TUB: variants seen among roughly 807,000 people sequenced by gnomAD.
TUB encodes TUB bipartite transcription factor.
TUB carries 33 observed loss-of-function variants against 59.7 expected under a neutral mutation model. That is an observed-to-expected ratio of 0.55 (90% CI 0.42 to 0.74). TUB has a LOEUF of 0.74. TUB is among the 30% of genes least tolerant of loss of function. The probability of loss-of-function intolerance (pLI) is 0.00; values close to 1 mark genes in which losing one functional copy is unlikely to be tolerated. For synonymous variants in TUB, 293 were observed against 256.4 expected (o/e 1.14, Z -1.36); for missense variants, 659 against 672.0 (o/e 0.98, Z 0.21).
intron 1 of TUB, among the ~76,000 whole-genome samples, chr11:8,087,483 T>C (rs1031373732): frequency 2.0e-5 from 3 of 152,226 alleles, no homozygotes; most frequent in Non-Finnish European, 4.4e-5. Flanking sequence ...GCCAGGCCAC[T>C]GGCTTATGAC....
chr11:8,094,970 C>T (rs1198106498), intron 4 of TUB, among the ~76,000 whole-genome samples: 1 of 152,232 alleles, frequency 6.6e-6, no homozygotes, highest in East Asian at 1.9e-4. Context: ...GGCAGGAAAG[C>T]TGACGTAGGA....
At chr11:8,042,967 C>T (rs146790646) in intron 2 of TUB, among the ~76,000 whole-genome samples, 365 of 152,160 alleles carry the variant, frequency 2.4e-3, no homozygotes, top group African/African-American at 7.9e-3. Context: ...ATCTAGTTTC[C>T]TTTTGTTGCT....
rs202230011 is a variant in TUB, at chr11:8,089,601, G to A, written c.39-9G>A. ...GGCAAGCCCTGAAAACCCCTCTTTC[G>A]CTCTGCAGTGTCTTAGATGATGAGG... On this transcript the variant is annotated splice_polypyrimidine_tract_variant and intron_variant, in intron 1 of 11. Coordinates refer to ENST00000299506, the MANE Select transcript of TUB (RefSeq NM_177972.3). 5.8e-4 allele frequency: 939 copies of A among 1,613,874 alleles called. 8 individuals are homozygous for A. The highest frequency in any genetic ancestry group is 1.4e-4 in the Non-Finnish European group (167 of 1,179,918).
chr11:8,023,764 TAAAAG>T (rs1787921789), intron 1 of TUB, among the ~76,000 whole-genome samples: 2 of 152,190 alleles, frequency 1.3e-5, no homozygotes, highest in Admixed American at 6.5e-5. Flanking sequence ...GTGATGAAGA[TAAAAG>T]GAAAAGATCT....
At chr11:8,038,685 G>A in exon 1 of TUB, 1 of 1,422,144 alleles carries the variant, frequency 7.0e-7, no homozygotes, top group Non-Finnish European at 9.2e-7. Flanking sequence ...GCGACCAGAA[G>A]ATGTTTCCAT....
intron 4 of TUB, 72 bp from the exon 5 acceptor site, chr11:8,095,426 C>G (rs1013620661): frequency 8.0e-6 from 12 of 1,504,894 alleles, no homozygotes; most frequent in Middle Eastern, 2.5e-4. Flanking sequence ...TCATCCCCTT[C>G]ATGGACGTCT....
Position 8,101,828 on chromosome 11 carries a change from GTGAAGGGATGAGAA to G in TUB, c.*211_*224del. On this transcript the variant is annotated 3_prime_UTR_variant, in exon 12 of 12. Coordinates refer to ENST00000299506, the MANE Select transcript of TUB (RefSeq NM_177972.3). ...AGTAGTGGAGAGCGGGTGGGTGGGTGTGAAGGGATGAGAATAATTCTTTCCATGCCACGAGATCA... is the reference window on the plus strand; with the variant it reads ...AGTAGTGGAGAGCGGGTGGGTGGGTGTAATTCTTTCCATGCCACGAGATCA... 1.4e-6 allele frequency: 1 copy of G among 733,516 alleles called. No individual in the cohort carries two copies. The highest frequency in any genetic ancestry group is 2.1e-6 in the Non-Finnish European group (1 of 466,606). 45.4% of individuals were successfully genotyped at this position (733,516 alleles called of 1,614,324 possible). A position where few individuals can be genotyped will look rare whatever the true frequency, so the allele number is the denominator to read the frequency against.
chr11:8,033,106 G>A (rs556865912), intron 1 of TUB, among the ~76,000 whole-genome samples: 2 of 152,298 alleles, frequency 1.3e-5, no homozygotes, highest in Admixed American at 6.5e-5. Context: ...GAACCTGGGA[G>A]ACAGGGAGCT....
At chr11:8,097,629 C>G (rs547466258) in intron 7 of TUB, 85 bp from the exon 8 acceptor site, 4 of 1,346,668 alleles carry the variant, frequency 3.0e-6, no homozygotes, top group Non-Finnish European at 4.2e-6. Flanking sequence ...GCTGACGCAA[C>G]GGAGAGAGTC....
rs112353461 is a variant in TUB, at chr11:8,039,717, G to A, written c.203+25G>A. On this transcript the variant is annotated intron_variant, in intron 2 of 12. Coordinates refer to the TUB transcript ENST00000305253. ...GGTGAGCTGGAGGGGAGGAGGGCGT[G>A]CCGGCCCTGGGAAAGGGCCAACCAC... The A allele has an allele frequency of 3.1e-5, 47 of 1,499,720 alleles. No homozygotes were observed. The African/African-American group carries it at 4.9e-4, about 16-fold the overall frequency. The allele number at this position is 1,499,720 out of a possible 1,614,324, so 92.9% of individuals were successfully genotyped here.
At chr11:8,091,123 T>G (rs566200235) in intron 3 of TUB, among the ~76,000 whole-genome samples, 46 of 152,338 alleles carry the variant, frequency 3.0e-4, no homozygotes, top group African/African-American at 1.1e-3. Context: ...TACATCGAAC[T>G]ACTGGTAGTT....
Position 8,081,384 on chromosome 11 carries a change from C to T in TUB, c.-127C>T. 1 of 998,102 alleles carries T rather than the reference C, an allele frequency of 1.0e-6. No homozygotes were observed. Among genetic ancestry groups the T allele is most frequent in the Non-Finnish European group, 1.2e-6 (1 of 839,274 alleles). The allele number at this position is 998,102 out of a possible 1,614,324, so 61.8% of individuals were successfully genotyped here. A position where few individuals can be genotyped will look rare whatever the true frequency, so the allele number is the denominator to read the frequency against. ...CCCTGGCGTGCAGCGCGGGCCTCGG[C>T]GGGGCCCAGCGCCCCGGCCCGGGAG... On this transcript the variant is annotated 5_prime_UTR_variant, in exon 1 of 12. Coordinates refer to ENST00000299506, the MANE Select transcript of TUB (RefSeq NM_177972.3).
At chr11:8,080,142 G>C (rs1943518887), upstream of TUB, among the ~76,000 whole-genome samples, 1 of 152,142 alleles carries the variant, frequency 6.6e-6, no homozygotes, top group South Asian at 2.1e-4. Flanking sequence ...CTCTCTGCGG[G>C]GCAGTCCTGA....
rs917496109 is a variant in TUB, at chr11:8,100,674, C to G, written c.1215+73C>G. The stretch of plus-strand genomic sequence containing the variant: ...TGCATGAGCTTCTAAGGGCAGAACT[C>G]CAGCTGATGTGTGTATGTGGAGGGG... On this transcript the variant is annotated intron_variant, in intron 10 of 11. Coordinates refer to ENST00000299506, the MANE Select transcript of TUB (RefSeq NM_177972.3). The G allele has an allele frequency of 2.6e-6, 4 of 1,544,498 alleles. No individual in the cohort carries two copies. The Admixed American group carries it at 6.9e-5, about 26-fold the overall frequency.
rs1276969028 is a variant in TUB, at chr11:8,081,258, C to G, written c.-253C>G. ...GGCGCGGGACGGTGCGGTCGGCCTC[C>G]CCGCCTCCACGCGCGCGCACGACCC... is the stretch of plus-strand genomic sequence containing the variant. On this transcript the variant is annotated 5_prime_UTR_variant, in exon 1 of 12. Transcript: ENST00000299506. 3 of 580,884 alleles carry G rather than the reference C, an allele frequency of 5.2e-6. No homozygotes were observed. The highest frequency in any genetic ancestry group is 2.0e-5 in the African/African-American group (1 of 49,342). The allele number at this position is 580,884 out of a possible 1,614,324, so 36.0% of individuals were successfully genotyped here.
At chr11:8,030,671 G>C (rs941394043) in intron 1 of TUB, among the ~76,000 whole-genome samples, 3 of 152,172 alleles carry the variant, frequency 2.0e-5, no homozygotes, top group Non-Finnish European at 4.4e-5. Context: ...AACAATGCTA[G>C]AGAACTGTGC....
At chr11:8,027,926 G>A (rs560077859) in intron 1 of TUB, among the ~76,000 whole-genome samples, 3 of 152,326 alleles carry the variant, frequency 2.0e-5, no homozygotes, top group African/African-American at 2.4e-5. Flanking sequence ...ATTTGAGTCC[G>A]TCTTAGATTC....
intron 1 of TUB, among the ~76,000 whole-genome samples, chr11:8,027,610 G>T (rs1323370350): frequency 2.0e-5 from 3 of 152,170 alleles, no homozygotes; most frequent in African/African-American, 7.2e-5. Flanking sequence ...TGCCTCTCGG[G>T]TTCAAGCAAT....
Position 8,097,791 on chromosome 11 carries a change from G to A in TUB, c.963G>A (p.Leu321=). Residue 321 remains leucine, a synonymous_variant, in exon 8 of 12, where the codon TTG becomes TTA. Transcript: ENST00000299506. ...TCATCTCTGTGGACCCAACAGACTT[G>A]TCTCGAGGAGGGGACAGCTATATCG... ...NYLISVDPTD[L]SRGGDSYIGK... The A allele has an allele frequency of 6.2e-7, 1 of 1,614,044 alleles. No homozygotes were observed. The highest frequency in any genetic ancestry group is 8.5e-7 in the Non-Finnish European group (1 of 1,179,978).
Sources: gnomAD v4.1 joint callset for allele counts (sites outside exome capture counted in the v4.1 genomes callset) on GRCh38, gnomAD v4.1.1 for gene constraint, MANE v1.5 for transcripts, NCBI Gene and HGNC (gene_info 2026-07-23, HGNC 2026-07-21) for gene names.